ONECUT2: variants seen among roughly 807,000 people sequenced by gnomAD.
The protein encoded by ONECUT2 is one cut homeobox 2, also known as one cut domain family member 2.
In ONECUT2, 10 loss-of-function variants were observed where a neutral mutation model predicts 27.9. That is an observed-to-expected ratio of 0.36 (90% CI 0.22 to 0.61). ONECUT2 has a LOEUF of 0.61. Among genes scored for constraint, ONECUT2 ranks in the 20% least tolerant of loss-of-function variants. The pLI, the probability that ONECUT2 is intolerant of heterozygous loss-of-function variation, is 0.73. For synonymous variants in ONECUT2, 334 were observed against 315.1 expected, an observed-to-expected ratio of 1.06 and a Z score of -0.64; for missense variants, 686 against 721.0, an observed-to-expected ratio of 0.95 and a Z score of 0.56.
At chr18:57,439,395 G>A (rs551935781) in intron 1 of ONECUT2, among the ~76,000 whole-genome samples, 2 of 152,230 alleles carry the variant, frequency 1.3e-5, no homozygotes, top group Non-Finnish European at 2.9e-5. Context: ...CGCTTTGCTC[G>A]AGCATTCAAA....
chr18:57,474,485 C>T (rs541909485), intron 1 of ONECUT2, among the ~76,000 whole-genome samples: 5 of 152,270 alleles, frequency 3.3e-5, no homozygotes, highest in Admixed American at 2.6e-4. Context: ...AAGGTGCCAG[C>T]GGATTCAGCG....
At chr18:57,444,151 A>G (rs954054717) in intron 1 of ONECUT2, among the ~76,000 whole-genome samples, 1 of 152,346 alleles carries the variant, frequency 6.6e-6, no homozygotes, top group Non-Finnish European at 1.5e-5. Context: ...AGAGCCAGTT[A>G]CCACTTAAGA....
intron 1 of ONECUT2, among the ~76,000 whole-genome samples, chr18:57,448,553 G>T (rs2050213741): frequency 6.6e-6 from 1 of 152,232 alleles, no homozygotes; most frequent in South Asian, 2.1e-4. Context: ...TTTGACTAAA[G>T]AAGTTTCTTC....
intron 1 of ONECUT2, among the ~76,000 whole-genome samples, chr18:57,452,084 A>T (rs539866635): frequency 1.4e-4 from 21 of 152,292 alleles, no homozygotes; most frequent in African/African-American, 4.6e-4. Context: ...GTCCAATAGT[A>T]TAGGGCTAAT....
chr18:57,454,220 T>C (rs1444557936), intron 1 of ONECUT2, among the ~76,000 whole-genome samples: 1 of 152,210 alleles, frequency 6.6e-6, no homozygotes, highest in Non-Finnish European at 1.5e-5. Context: ...TTAAGTAAGT[T>C]AATGCATACA....
At chr18:57,441,115 G>A (rs966729895) in intron 1 of ONECUT2, among the ~76,000 whole-genome samples, 1 of 152,228 alleles carries the variant, frequency 6.6e-6, no homozygotes, top group Non-Finnish European at 1.5e-5. Context: ...AGGCGCCCTC[G>A]ATGCGAGAGG....
At chr18:57,451,486 C>T (rs972349049) in intron 1 of ONECUT2, among the ~76,000 whole-genome samples, 6 of 152,186 alleles carry the variant, frequency 3.9e-5, no homozygotes, top group South Asian at 2.1e-4. Flanking sequence ...TCTCTGGCTA[C>T]GGCACCATAG....
chr18:57,436,829 G>T lies in ONECUT2; in HGVS notation c.1113G>T (p.Leu371=). 6.2e-7 allele frequency: 1 copy of T among 1,614,012 alleles called. No individual in the cohort carries two copies. The highest frequency in any genetic ancestry group is 8.5e-7 in the Non-Finnish European group (1 of 1,180,054). ...LCRSQGTLSD[L]LRNPKPWSKL... is the part of the protein sequence containing the mutation. ...GGTCTCAGGGGACTCTCTCCGACCT[G>T]CTCCGGAATCCAAAACCGTGGAGTA... is the stretch of plus-strand genomic sequence containing the variant. Residue 371 remains leucine (L), a synonymous_variant, in exon 1 of 2, where the codon CTG becomes CTT. Coordinates refer to ENST00000491143, the MANE Select transcript of ONECUT2 (RefSeq NM_004852.3). This position sits in a 1 kb window ranked among gnomAD's most constrained non-coding sequence, Gnocchi z 5.9.
chr18:57,472,016 G>A (rs1460230783), intron 1 of ONECUT2, among the ~76,000 whole-genome samples: 2 of 152,176 alleles, frequency 1.3e-5, no homozygotes, highest in Non-Finnish European at 2.9e-5. Flanking sequence ...AGATCCAAAT[G>A]GTCTAGACAG....
intron 1 of ONECUT2, among the ~76,000 whole-genome samples, chr18:57,439,884 A>G (rs2050164898): frequency 6.6e-6 from 1 of 152,188 alleles, no homozygotes; most frequent in African/African-American, 2.4e-5. Context: ...GTCCTGCCAA[A>G]CAGCCAAGCA....
rs1321199207 is a variant in ONECUT2, at chr18:57,436,434, C to T, written c.718C>T (p.His240Tyr). 1 of 1,612,564 alleles carries T rather than the reference C, an allele frequency of 6.2e-7. No individual in the cohort carries two copies. The highest frequency in any genetic ancestry group is 8.5e-7 in the Non-Finnish European group (1 of 1,179,876). Reference protein sequence around the residue: ...TPLGNGLGGLHNAQQSLPNYG... With the variant: ...TPLGNGLGGLYNAQQSLPNYG... ...GCTGGGCAACGGGCTAGGCGGCCTC[C>T]ACAACGCGCAGCAGAGTCTGCCCAA... The change falls in exon 1 of 2, where the codon CAC becomes TAC. Residue 240 changes from histidine to tyrosine, a missense_variant. Transcript: ENST00000491143. This position sits in a 1 kb window ranked among gnomAD's most constrained non-coding sequence, Gnocchi z 5.9.
chr18:57,453,326 T>C (rs180990027), intron 1 of ONECUT2, among the ~76,000 whole-genome samples: 13 of 152,378 alleles, frequency 8.5e-5, no homozygotes, highest in Middle Eastern at 3.4e-3. Context: ...GCTCTGACTA[T>C]GTTGTCTGAA....
chr18:57,488,057 A>C lies in ONECUT2; in HGVS notation c.*11334A>C, dbSNP rs2050446535. The C allele has an allele frequency of 6.6e-6, 1 of 152,468 alleles. No homozygotes were observed. Among genetic ancestry groups the C allele is most frequent in the Non-Finnish European group, 1.5e-5 (1 of 68,054 alleles). The allele number at this position is 152,468 out of a possible 1,614,324, so 9.4% of individuals were successfully genotyped here. ...AAATATTGGAAATCACTGACAGTGT[A>C]GCATTCATATTATCTGTCAATGAGG... On this transcript the variant is annotated 3_prime_UTR_variant, in exon 2 of 2. Transcript: ENST00000491143.
chr18:57,471,324 C>T (rs652506), intron 1 of ONECUT2, among the ~76,000 whole-genome samples: 95,227 of 152,046 alleles, frequency 0.63, 32,294 homozygotes, highest in Middle Eastern at 0.8. Context: ...GCAAAGTAGA[C>T]CTGGCCCACA....
chr18:57,448,149 C>T (rs908769422), intron 1 of ONECUT2, among the ~76,000 whole-genome samples: 1 of 152,152 alleles, frequency 6.6e-6, no homozygotes, highest in Non-Finnish European at 1.5e-5. Flanking sequence ...CTTTGGGTTT[C>T]GAGTAAAATG....
intron 1 of ONECUT2, among the ~76,000 whole-genome samples, chr18:57,443,306 C>A (rs2050185887): frequency 6.6e-6 from 1 of 152,130 alleles, no homozygotes; most frequent in Admixed American, 6.5e-5. Context: ...CAGAGGCACC[C>A]TAGGCCTTAA....
chr18:57,467,303 G>A, intron 1 of ONECUT2: 1 of 404,594 alleles, frequency 2.5e-6, no homozygotes, highest in Admixed American at 3.1e-5. Flanking sequence ...GCGGTGTGGA[G>A]AAAGAGCAGA....
In ONECUT2 at chr18:57,483,805, C is replaced by A. The variant is rs2050426929; in HGVS notation, c.*7082C>A. ...TTAAGTTCGCAGCCCCACCTGGTACCAGGCGAACTTCACCTCTTAATTATT... is the reference window on the plus strand; with the variant it reads ...TTAAGTTCGCAGCCCCACCTGGTACAAGGCGAACTTCACCTCTTAATTATT... On this transcript the variant is annotated 3_prime_UTR_variant, in exon 2 of 2. Transcript: ENST00000491143. The A allele has an allele frequency of 6.5e-6, 1 of 152,732 alleles. No homozygotes were observed. The highest frequency in any genetic ancestry group is 2.4e-5 in the African/African-American group (1 of 41,566). The allele number at this position is 152,732 out of a possible 1,614,324, so 9.5% of individuals were successfully genotyped here. A position where few individuals can be genotyped will look rare whatever the true frequency, so the allele number is the denominator to read the frequency against.
intron 1 of ONECUT2, among the ~76,000 whole-genome samples, chr18:57,442,630 T>A (rs2050181846): frequency 6.6e-6 from 1 of 151,936 alleles, no homozygotes; most frequent in South Asian, 2.1e-4. Flanking sequence ...GACAACTGGC[T>A]CCCTCCCCAC....
Sources: gnomAD v4.1 joint callset for allele counts (sites outside exome capture counted in the v4.1 genomes callset) on GRCh38, gnomAD v4.1.1 for gene constraint, Gnocchi (gnomAD v3.1) non-coding constraint, MANE v1.5 for transcripts, NCBI Gene and HGNC (gene_info 2026-07-23, HGNC 2026-07-21) for gene names.